Variants in KANK1 observed in about 807,000 individuals in gnomAD.
KANK1 encodes the protein KN motif and ankyrin repeat domain-containing protein 1.
Under a neutral mutation model 106.2 loss-of-function variants are expected in KANK1, and 109 were observed. The observed-to-expected ratio is 1.03, with a 90% CI of 0.88 to 1.20. The LOEUF is 1.20. KANK1 is among the 50% of genes most tolerant of loss of function. The pLI is 0.00. For synonymous variants in KANK1, 873 were observed against 652.2 expected, an observed-to-expected ratio of 1.34 and a Z score of -5.16; for missense variants, 2,399 against 1,710.7, an observed-to-expected ratio of 1.40 and a Z score of -7.10.
chr9:588,826 C>T (rs574544188), intron 1 of KANK1, among the ~76,000 whole-genome samples: 2 of 152,120 alleles, frequency 1.3e-5, no homozygotes, highest in East Asian at 3.9e-4. Context: ...TAATAAAAGC[C>T]CTCTGGTAAA....
Position 710,892 on chromosome 9 carries a change from C to T in KANK1, c.126C>T (p.Asp42=). Reference sequence around the variant, plus strand: ...AGACCCCCTATGGTTATCAACTAGACTTAGATTTCCTCAAATATGTGGATG... The same window carrying T: ...AGACCCCCTATGGTTATCAACTAGATTTAGATTTCCTCAAATATGTGGATG... ...FVETPYGYQL[D]LDFLKYVDDI... is the part of the protein sequence containing the mutation. Residue 42 remains aspartate (D), a synonymous_variant, in exon 3 of 12, where the codon GAC becomes GAT. Coordinates refer to ENST00000382297, the MANE Select transcript of KANK1 (RefSeq NM_015158.5). 6.2e-7 allele frequency: 1 copy of T among 1,614,124 alleles called. No individual in the cohort carries two copies. Among genetic ancestry groups the T allele is most frequent in the Non-Finnish European group, 8.5e-7 (1 of 1,180,002 alleles).
chr9:582,507 C>T (rs1329760292), intron 1 of KANK1, among the ~76,000 whole-genome samples: 1 of 152,142 alleles, frequency 6.6e-6, no homozygotes. Flanking sequence ...CACTTTTGCC[C>T]TCAGAATCCT....
intron 1 of KANK1, among the ~76,000 whole-genome samples, chr9:668,901 A>G (rs571903155): frequency 5.9e-5 from 9 of 152,002 alleles, no homozygotes; most frequent in African/African-American, 1.9e-4. Context: ...GCAGTTCACA[A>G]TAGGGTTTGC....
At chr9:673,769 G>C (rs1321394850) in intron 1 of KANK1, 2 of 151,944 alleles carry the variant, frequency 1.3e-5, no homozygotes, top group African/African-American at 4.8e-5. Context: ...CCTAGCACAT[G>C]CAGCTTGTCC....
At chr9:673,272 G>C (rs1815630639) in intron 1 of KANK1, among the ~76,000 whole-genome samples, 1 of 146,446 alleles carries the variant, frequency 6.8e-6, no homozygotes, top group Non-Finnish European at 1.5e-5. Context: ...ATGCAGTGGC[G>C]TGATCTCGGC....
intron 1 of KANK1, among the ~76,000 whole-genome samples, chr9:592,028 G>C (rs960991501): frequency 4.6e-5 from 7 of 151,760 alleles, no homozygotes; most frequent in Non-Finnish European, 1.0e-4. Context: ...CATAGGGGCA[G>C]GGACCTTGTC....
Position 677,007 on chromosome 9 carries a change from C to G in KANK1, c.35C>G (p.Ser12Ter). 1 of 1,613,568 alleles carries G rather than the reference C, an allele frequency of 6.2e-7. No individual in the cohort carries two copies. The highest frequency in any genetic ancestry group is 8.5e-7 in the Non-Finnish European group (1 of 1,179,598). Residue 12 changes from serine to a stop codon, truncating the protein, a stop_gained and splice_region_variant, in exon 2 of 12, where the codon TCA becomes TGA. Coordinates refer to ENST00000382297, the MANE Select transcript of KANK1 (RefSeq NM_015158.5). LOFTEE classifies it high-confidence loss of function. Reference protein sequence around the residue: ...AHTTKVNGSASGKAGDILSGD... With the variant: ...AHTTKVNGSA ...ACCACAAAGGTTAACGGCAGTGCCT[C>G]AGGTAACCCTGTGCTCTGGAGTTTG... is the stretch of plus-strand genomic sequence containing the variant.
At chr9:518,622 G>A (rs1587446990) in intron 1 of KANK1, among the ~76,000 whole-genome samples, 2 of 151,686 alleles carry the variant, frequency 1.3e-5, no homozygotes, top group African/African-American at 2.4e-5. Flanking sequence ...TGTGTAAAGA[G>A]GAGGAGCTGG....
rs1001525634 is a variant in KANK1, at chr9:573,654, G to A, written c.-84+68900G>A. Among the ~76,000 whole-genome samples the A allele has an allele frequency of 9.9e-5, 15 of 152,134 alleles. No homozygotes were observed. In the East Asian group the frequency reaches 1.3e-3, roughly 14 times the overall value. On this transcript the variant is annotated intron_variant, in intron 1 of 11. Coordinates refer to ENST00000382297, the MANE Select transcript of KANK1 (RefSeq NM_015158.5). ...GAGGATAGCAGGGATTAAGTAAGTC[G>A]CGGGCATTTTATTTTTATCTTAAAG...
intron 2 of KANK1, among the ~76,000 whole-genome samples, chr9:701,647 C>T (rs1589029526): frequency 6.6e-6 from 1 of 152,010 alleles, no homozygotes; most frequent in South Asian, 2.1e-4. Context: ...TCAGGCATTG[C>T]CAAATGTCCC....
rs1339518760 is a variant in KANK1, at chr9:738,385, C to T, written c.3434C>T (p.Ala1145Val). Residue 1145 changes from alanine (A) to valine (V), a missense_variant, in exon 8 of 12, where the codon GCC (alanine) becomes GTC (valine). Coordinates refer to ENST00000382297, the MANE Select transcript of KANK1 (RefSeq NM_015158.5). ...MVGDYIAAFE[A>V]ISPDVLRYVI... Reference sequence around the variant, plus strand: ...GGGGACTACATAGCTGCTTTTGAGGCCATTTCCCCAGATGTCCTCCGCTAT... The same window carrying T: ...GGGGACTACATAGCTGCTTTTGAGGTCATTTCCCCAGATGTCCTCCGCTAT... 6.2e-6 allele frequency: 10 copies of T among 1,613,964 alleles called. No individual in the cohort carries two copies. Among genetic ancestry groups the T allele is most frequent in the Non-Finnish European group, 8.5e-6 (10 of 1,179,996 alleles).
At chr9:481,410 C>T (rs2058201621) in intron 3 of KANK1, among the ~76,000 whole-genome samples, 1 of 152,150 alleles carries the variant, frequency 6.6e-6, no homozygotes, top group Non-Finnish European at 1.5e-5. Flanking sequence ...AATCCTTAAG[C>T]CTTCTTTGCC....
intron 1 of KANK1, among the ~76,000 whole-genome samples, chr9:553,006 C>A (rs906832019): frequency 5.3e-4 from 81 of 152,034 alleles, no homozygotes; most frequent in Non-Finnish European, 4.4e-5. Flanking sequence ...ATTATCCAGG[C>A]CTGGTGGCAC....
chr9:540,261 A>G (rs186011146), intron 1 of KANK1, among the ~76,000 whole-genome samples: 1 of 152,214 alleles, frequency 6.6e-6, no homozygotes, highest in Non-Finnish European at 1.5e-5. Flanking sequence ...AATTCTTTCA[A>G]ATGATTTTTA....
At chr9:499,149 A>G (rs1036413687) in intron 3 of KANK1, among the ~76,000 whole-genome samples, 8 of 151,510 alleles carry the variant, frequency 5.3e-5, no homozygotes, top group East Asian at 1.9e-4. Context: ...CTGCACTCCA[A>G]CCTGGGCAAC....
intron 2 of KANK1, among the ~76,000 whole-genome samples, chr9:708,301 T>G: frequency 6.6e-6 from 1 of 152,184 alleles, no homozygotes; most frequent in East Asian, 1.9e-4. Context: ...TCTGGCTGCA[T>G]ATTTTGAGTG....
intron 1 of KANK1, among the ~76,000 whole-genome samples, chr9:537,560 T>G (rs568609118): frequency 8.0e-4 from 122 of 152,182 alleles, no homozygotes; most frequent in African/African-American, 2.8e-3. Flanking sequence ...ATTCATATGT[T>G]GAAAAAGAAC....
At chr9:745,112 G>T (rs1011174962) in intron 11 of KANK1, 61 bp from the exon 12 acceptor site, 2 of 1,592,918 alleles carry the variant, frequency 1.3e-6, no homozygotes, top group Non-Finnish European at 1.7e-6. Flanking sequence ...TATGTCACAG[G>T]GTACACATCT....
chr9:475,184 G>A (rs1228387874), intron 3 of KANK1, among the ~76,000 whole-genome samples: 1 of 152,204 alleles, frequency 6.6e-6, no homozygotes, highest in Non-Finnish European at 1.5e-5. Flanking sequence ...AAGTGGCGGA[G>A]TTTAATTGGT....
Sources: allele counts gnomAD v4.1 joint callset (sites outside exome capture counted in the v4.1 genomes callset), GRCh38; gene constraint gnomAD v4.1.1; transcripts MANE v1.5; gene names NCBI Gene and HGNC (gene_info 2026-07-23, HGNC 2026-07-21).